SORBS2: variants seen among roughly 807,000 people sequenced by gnomAD.
SORBS2 encodes the protein sorbin and SH3 domain containing 2.
SORBS2 carries 46 observed loss-of-function variants against 97.7 expected under a neutral mutation model. The ratio of observed to expected loss-of-function variants is 0.47; its 90% CI spans 0.37 to 0.60. SORBS2 has a LOEUF of 0.60. Ranked by LOEUF, SORBS2 falls within the 20% of genes least tolerant of loss-of-function variation. The pLI is 0.00. For synonymous variants in SORBS2, 476 were observed against 473.4 expected (o/e 1.01, Z -0.07); for missense variants, 1,316 against 1,282.3 (o/e 1.03, Z -0.40).
chr4:185,841,482 G>A (rs1227594019), intron 1 of SORBS2, among the ~76,000 whole-genome samples: 1 of 152,196 alleles, frequency 6.6e-6, no homozygotes, highest in African/African-American at 2.4e-5. Context: ...TATTGAAGGT[G>A]CCAGAGCCCC....
chr4:185,742,877 T>C (rs57928932), intron 2 of SORBS2, among the ~76,000 whole-genome samples: 2,527 of 152,304 alleles, frequency 0.017, 71 homozygotes, highest in African/African-American at 0.057. Context: ...CACGAGCTTC[T>C]GAAGTTCAGA....
exon 1 of SORBS2, chr4:185,656,915 T>C (rs2097416284): frequency 1.6e-6 from 2 of 1,227,716 alleles, no homozygotes; most frequent in Non-Finnish European, 2.0e-6. Flanking sequence ...AGCTTTTCCT[T>C]TCCATGACAT....
At chr4:185,646,728 C>A in exon 4 of SORBS2, 1 of 1,614,056 alleles carries the variant, frequency 6.2e-7, no homozygotes, top group Non-Finnish European at 8.5e-7. Context: ...TACTCCTTGG[C>A]TCAGACCGAA....
chr4:185,714,885 C>T (rs187054131), intron 2 of SORBS2, among the ~76,000 whole-genome samples: 1 of 152,172 alleles, frequency 6.6e-6, no homozygotes, highest in Non-Finnish European at 1.5e-5. Flanking sequence ...GGCCACAGAG[C>T]CAAACCATAT....
At chr4:185,604,915 C>T (rs933639832) in intron 12 of SORBS2, among the ~76,000 whole-genome samples, 17 of 151,962 alleles carry the variant, frequency 1.1e-4, no homozygotes, top group East Asian at 1.9e-4. Context: ...CTGGGGAAGC[C>T]GTGGCCCCGC....
At chr4:185,633,145 C>T (rs924648559) in intron 4 of SORBS2, among the ~76,000 whole-genome samples, 11 of 152,060 alleles carry the variant, frequency 7.2e-5, no homozygotes, top group African/African-American at 1.9e-4. Flanking sequence ...CTTAAATATC[C>T]GTAACTGTTC....
intron 2 of SORBS2, among the ~76,000 whole-genome samples, chr4:185,744,926 C>A (rs568957291): frequency 4.3e-4 from 66 of 152,328 alleles, no homozygotes; most frequent in Admixed American, 1.0e-3. Flanking sequence ...GGATTGGGGG[C>A]TCAGAAGAGA....
intron 1 of SORBS2, among the ~76,000 whole-genome samples, chr4:185,907,030 G>T (rs1230872919): frequency 1.3e-5 from 2 of 152,080 alleles, no homozygotes; most frequent in Non-Finnish European, 2.9e-5. Context: ...CAGCTACTCA[G>T]GAGGCTGAGG....
At chr4:185,715,272 G>A (rs951550136) in intron 2 of SORBS2, among the ~76,000 whole-genome samples, 2 of 152,036 alleles carry the variant, frequency 1.3e-5, no homozygotes, top group Non-Finnish European at 2.9e-5. Flanking sequence ...GCAATAAGGC[G>A]AAAAAGAGAT....
intron 1 of SORBS2, among the ~76,000 whole-genome samples, chr4:185,929,001 G>A (rs1363668891): frequency 1.3e-5 from 2 of 152,106 alleles, no homozygotes; most frequent in Non-Finnish European, 2.9e-5. Flanking sequence ...CTGGCCAAAG[G>A]AAAAACTACT....
chr4:185,610,903 G>C (rs1411742716), intron 12 of SORBS2, among the ~76,000 whole-genome samples: 2 of 151,930 alleles, frequency 1.3e-5, no homozygotes, highest in African/African-American at 4.8e-5. Flanking sequence ...TTTATTCCTA[G>C]AAGTTAATGA....
chr4:185,804,851 G>A (rs1286449721), intron 1 of SORBS2, among the ~76,000 whole-genome samples: 2 of 150,236 alleles, frequency 1.3e-5, no homozygotes, highest in African/African-American at 4.8e-5. Context: ...GACTGTGTAA[G>A]GTCTTGCAGC....
intron 2 of SORBS2, among the ~76,000 whole-genome samples, chr4:185,704,683 C>CAGG (rs2098315858): frequency 6.6e-6 from 1 of 151,444 alleles, no homozygotes; most frequent in African/African-American, 2.5e-5. Context: ...CACAAATTAC[C>CAGG]CTGGATGTTC....
chr4:185,765,040 G>A (rs1045173503), intron 2 of SORBS2, among the ~76,000 whole-genome samples: 1 of 151,122 alleles, frequency 6.6e-6, no homozygotes, highest in African/African-American at 2.4e-5. Flanking sequence ...GGTTTCATCA[G>A]TTTTTTTTTC....
At chr4:185,792,496 A>T (rs2099084908) in intron 1 of SORBS2, among the ~76,000 whole-genome samples, 1 of 151,658 alleles carries the variant, frequency 6.6e-6, no homozygotes, top group Non-Finnish European at 1.5e-5. Context: ...TCCATCGAAA[A>T]GAAAAGAAAA....
chr4:185,955,009 T>C (rs377455643), intron 1 of SORBS2, among the ~76,000 whole-genome samples: 12 of 152,288 alleles, frequency 7.9e-5, no homozygotes, highest in Non-Finnish European at 1.3e-4. Flanking sequence ...TTAGAAACTA[T>C]AATCAATGCC....
chr4:185,724,982 C>T (rs2098545533), intron 2 of SORBS2, among the ~76,000 whole-genome samples: 1 of 152,120 alleles, frequency 6.6e-6, no homozygotes, highest in Non-Finnish European at 1.5e-5. Context: ...CTCACTGCTC[C>T]TAGTTCAGCA....
chr4:185,799,872 AACCAGAACTCCC>A (rs1444195354), intron 1 of SORBS2, among the ~76,000 whole-genome samples: 1 of 152,120 alleles, frequency 6.6e-6, no homozygotes, highest in African/African-American at 2.4e-5. Context: ...CGGCTTTCTA[AACCAGAACTCCC>A]ACCCGACAAT....
At chr4:185,764,061 G>A (rs1427080163) in intron 2 of SORBS2, among the ~76,000 whole-genome samples, 5 of 152,102 alleles carry the variant, frequency 3.3e-5, no homozygotes, top group East Asian at 3.8e-4. Context: ...TAAATTACAC[G>A]AAATATATAA....
Sources: allele counts gnomAD v4.1 joint callset (sites outside exome capture counted in the v4.1 genomes callset), GRCh38; gene constraint gnomAD v4.1.1; transcripts MANE v1.5; gene names NCBI Gene and HGNC (gene_info 2026-07-23, HGNC 2026-07-21).